RANBP2: variants seen among roughly 807,000 people sequenced by gnomAD.
RANBP2 encodes the protein RAN binding protein 2, also known as E3 SUMO-protein ligase RanBP2.
A neutral mutation model predicts 303.6 loss-of-function variants in RANBP2; 57 were observed. That is an observed-to-expected ratio of 0.19 (90% CI 0.15 to 0.23). RANBP2 has a LOEUF of 0.23. RANBP2 is among the 10% of genes least tolerant of loss of function. The probability of loss-of-function intolerance (pLI) is 1.00; values close to 1 mark genes in which losing one functional copy is unlikely to be tolerated. For synonymous variants in RANBP2, 1,167 were observed against 1,301.5 expected, an observed-to-expected ratio of 0.90 and a Z score of 2.23; for missense variants, 3,138 against 3,780.8, an observed-to-expected ratio of 0.83 and a Z score of 4.46.
At chr2:109,309,514 A>G in the RANBP2 span, among the ~76,000 whole-genome samples, 1 of 129,178 alleles carries the variant, frequency 7.7e-6, no homozygotes, top group East Asian at 2.1e-4. Flanking sequence ...TTAACTTTAA[A>G]TGTAAATGGA....
chr2:108,794,425 A>G, the RANBP2 span: 1 of 992,898 alleles, frequency 1.0e-6, no homozygotes, highest in Non-Finnish European at 1.4e-6. Flanking sequence ...GTCTCTCTTG[A>G]AACTTTTTAA....
intron 17 of RANBP2, among the ~76,000 whole-genome samples, chr2:108,755,924 A>G (rs1676280166): frequency 6.6e-6 from 1 of 151,926 alleles, no homozygotes; most frequent in African/African-American, 2.4e-5. Context: ...GAGTTTCACC[A>G]TGTTGGCCAA....
chr2:109,596,400 G>A, the RANBP2 span, among the ~76,000 whole-genome samples: 1 of 152,082 alleles, frequency 6.6e-6, no homozygotes, highest in Admixed American at 6.6e-5. Context: ...GGTGGATCAT[G>A]AGGTCAGGAG....
chr2:108,722,000 G>GCTGAGATTA (rs1172602528), intron 1 of RANBP2, among the ~76,000 whole-genome samples: 1 of 150,874 alleles, frequency 6.6e-6, no homozygotes, highest in East Asian at 2.0e-4. Flanking sequence ...GGCCCCAAGT[G>GCTGAGATTA]CTGAGATTAC....
At chr2:109,643,016 A>T in the RANBP2 span, among the ~76,000 whole-genome samples, 745 of 151,762 alleles carry the variant, frequency 4.9e-3, 5 homozygotes, top group South Asian at 0.022. Flanking sequence ...CTCTACTAAA[A>T]TTTTTTTTTA....
the RANBP2 span, among the ~76,000 whole-genome samples, chr2:109,601,115 T>C: frequency 8.5e-5 from 13 of 152,258 alleles, no homozygotes; most frequent in African/African-American, 2.4e-4. Flanking sequence ...ACAGGCATGG[T>C]TGATTAACCA....
At chr2:108,941,239 A>G in the RANBP2 span, among the ~76,000 whole-genome samples, 15 of 152,214 alleles carry the variant, frequency 9.9e-5, no homozygotes, top group Non-Finnish European at 1.5e-4. Flanking sequence ...TGCCCATTCC[A>G]TTTGTTTTTG....
At chr2:109,346,879 G>A in the RANBP2 span, among the ~76,000 whole-genome samples, 2 of 152,142 alleles carry the variant, frequency 1.3e-5, no homozygotes, top group African/African-American at 2.4e-5. Context: ...TGTACTTCTG[G>A]AACAGACTGC....
At chr2:109,128,375 C>A in the RANBP2 span, 2 of 152,148 alleles carry the variant, frequency 1.3e-5, no homozygotes, top group African/African-American at 4.8e-5. Flanking sequence ...TAGAGCCCCT[C>A]GCACAGCGTC....
chr2:109,354,885 T>A, the RANBP2 span, among the ~76,000 whole-genome samples: 1 of 152,258 alleles, frequency 6.6e-6, no homozygotes, highest in Non-Finnish European at 1.5e-5. Flanking sequence ...TCCTACCATG[T>A]CACCTGAATC....
chr2:109,505,064 T>C, the RANBP2 span, among the ~76,000 whole-genome samples: 2 of 152,166 alleles, frequency 1.3e-5, no homozygotes, highest in East Asian at 1.9e-4. Context: ...AGACCAGCAC[T>C]CTCCTGGTCT....
chr2:109,129,075 C>CG, the RANBP2 span: 1 of 379,492 alleles, frequency 2.6e-6, no homozygotes, highest in Admixed American at 3.4e-5. Flanking sequence ...GGAGGTGCCG[C>CG]GGGGGCGGTG....
chr2:109,737,701 A>T, the RANBP2 span, among the ~76,000 whole-genome samples: 85 of 152,248 alleles, frequency 5.6e-4, 1 homozygote, highest in East Asian at 0.013. Context: ...CAACAGTGTA[A>T]AAGAATTCCC....
chr2:109,122,061 A>C, the RANBP2 span, among the ~76,000 whole-genome samples: 1 of 152,234 alleles, frequency 6.6e-6, no homozygotes, highest in African/African-American at 2.4e-5. Context: ...AGCGAGACAA[A>C]GCAACTGTGC....
chr2:108,840,554 A>C, the RANBP2 span, among the ~76,000 whole-genome samples: 1 of 152,118 alleles, frequency 6.6e-6, no homozygotes, highest in African/African-American at 2.4e-5. Context: ...GATTTGTAGT[A>C]GTTTGTGCTT....
chr2:108,767,532 T>C lies in RANBP2; in HGVS notation c.6993T>C (p.Val2331=). ...CCAGTGGTGAGGAAAATGAACAAGTTGTTTTTAGTCACAGGGCAAAACTCT... is the reference window on the plus strand; with the variant it reads ...CCAGTGGTGAGGAAAATGAACAAGTCGTTTTTAGTCACAGGGCAAAACTCT... ...EVSSGEENEQ[V]VFSHRAKLYR... Residue 2331 remains valine, a synonymous_variant, in exon 20 of 29, where the codon GTT becomes GTC. Transcript: ENST00000283195. The C allele has an allele frequency of 6.2e-7, 1 of 1,611,998 alleles. No individual in the cohort carries two copies.
the RANBP2 span, among the ~76,000 whole-genome samples, chr2:109,247,650 G>C: frequency 6.6e-6 from 1 of 151,556 alleles, no homozygotes; most frequent in South Asian, 2.1e-4. Flanking sequence ...GACTGGCTGC[G>C]TTAGCTCTTC....
chr2:108,989,012 G>C, the RANBP2 span: 2 of 152,316 alleles, frequency 1.3e-5, no homozygotes. Context: ...GGTCTATGAA[G>C]AAAGTCAGGT....
the RANBP2 span, among the ~76,000 whole-genome samples, chr2:109,228,345 A>G: frequency 6.6e-6 from 1 of 152,114 alleles, no homozygotes; most frequent in Non-Finnish European, 1.5e-5. Flanking sequence ...TAGTCTGAAG[A>G]TGTTTGGGAT....
Sources: gnomAD v4.1 joint callset for allele counts (sites outside exome capture counted in the v4.1 genomes callset) on GRCh38, gnomAD v4.1.1 for gene constraint, MANE v1.5 for transcripts, NCBI Gene and HGNC (gene_info 2026-07-23, HGNC 2026-07-21) for gene names.